The following NKAIN3 variants were observed in gnomAD, a reference collection of about 807,000 sequenced individuals.
NKAIN3 encodes the protein sodium/potassium-transporting ATPase subunit beta-1-interacting protein 3.
NKAIN3 carries 25 observed loss-of-function variants against 30.2 expected under a neutral mutation model. That is an observed-to-expected ratio of 0.83 (90% CI 0.60 to 1.16). The LOEUF (loss-of-function observed/expected upper bound fraction) is 1.16. Ranked by LOEUF, NKAIN3 falls within the 50% of genes most tolerant of loss-of-function variation. NKAIN3 has a pLI of 0.00. For synonymous variants in NKAIN3, 91 were observed against 89.6 expected, an observed-to-expected ratio of 1.02 and a Z score of -0.09; for missense variants, 225 against 254.1, an observed-to-expected ratio of 0.89 and a Z score of 0.78.
chr8:62,715,903 G>T (rs531157980), intron 3 of NKAIN3, among the ~76,000 whole-genome samples: 25 of 152,290 alleles, frequency 1.6e-4, no homozygotes, highest in Non-Finnish European at 2.9e-4. Flanking sequence ...AAAAGGAGCA[G>T]GGTGGCAACA....
At chr8:62,337,272 A>C (rs1302669925) in intron 1 of NKAIN3, among the ~76,000 whole-genome samples, 2 of 152,072 alleles carry the variant, frequency 1.3e-5, no homozygotes, top group Non-Finnish European at 2.9e-5. Context: ...GAAGAGAGAG[A>C]AATCCTTACT....
At chr8:62,636,401 A>G (rs1812129856) in intron 3 of NKAIN3, among the ~76,000 whole-genome samples, 1 of 152,186 alleles carries the variant, frequency 6.6e-6, no homozygotes, top group Non-Finnish European at 1.5e-5. Context: ...TTAAGCACAC[A>G]TGCTATCAAT....
rs549807686 is a variant in NKAIN3, at chr8:62,831,141, T to C, written c.471+84012T>C. ...CCCAATATAAGACCTGCTGACAGAA[T>C]TGCGTAGAAGAAAAGCCAAAGACCC... On this transcript the variant is annotated intron_variant, in intron 4 of 6. Transcript: ENST00000623646. Among the ~76,000 whole-genome samples the C allele has an allele frequency of 2.0e-5, 3 of 152,152 alleles. No individual in the cohort carries two copies. In the South Asian group the frequency reaches 6.2e-4, roughly 32 times the overall value.
intron 1 of NKAIN3, among the ~76,000 whole-genome samples, chr8:62,392,426 TTTA>T (rs2129594642): frequency 6.6e-6 from 1 of 152,162 alleles, no homozygotes; most frequent in South Asian, 2.1e-4. Context: ...TTAAATAAGT[TTTA>T]TTAGTAGTAG....
At position 62,966,365 on chromosome 8, in the gene NKAIN3, G is replaced by T; in HGVS notation, c.*958G>T. On this transcript the variant is annotated 3_prime_UTR_variant, in exon 7 of 7. Transcript: ENST00000623646. ...ACCCCTTCCCAATAACCAAGAAAAT[G>T]ATATGGGAAGCAATTATCTGTGGAA... The T allele has an allele frequency of 2.0e-6, 2 of 985,010 alleles. No individual in the cohort carries two copies. Among genetic ancestry groups the T allele is most frequent in the Non-Finnish European group, 2.4e-6 (2 of 829,588 alleles). The allele number at this position is 985,010 out of a possible 1,614,324, so 61.0% of individuals were successfully genotyped here.
chr8:62,728,396 C>T (rs1214225102), intron 3 of NKAIN3, among the ~76,000 whole-genome samples: 1 of 152,210 alleles, frequency 6.6e-6, no homozygotes, highest in Non-Finnish European at 1.5e-5. Flanking sequence ...GGTGCGGTGG[C>T]TCACACCTGT....
chr8:62,464,010 G>A (rs1027842020), intron 1 of NKAIN3, among the ~76,000 whole-genome samples: 8 of 152,098 alleles, frequency 5.3e-5, no homozygotes, highest in Non-Finnish European at 1.0e-4. Context: ...GATATTCCTA[G>A]GACATAAAGA....
rs146588553 is a variant in NKAIN3 at position 62,936,060 on chromosome 8, G to A, written c.532+17547G>A. On this transcript the variant is annotated intron_variant, in intron 5 of 6. Coordinates refer to ENST00000623646, the MANE Select transcript of NKAIN3 (RefSeq NM_001304533.3). The stretch of plus-strand genomic sequence containing the variant: ...GATACAATGTAAGAGAATATGACAT[G>A]ACAGATGTTGTGGGTATGATTTTAA... 1.9e-3 allele frequency among the ~76,000 whole-genome samples: 289 copies of A among 152,280 alleles called. 2 individuals carry two copies. Among genetic ancestry groups the A allele is most frequent in the Middle Eastern group, 6.8e-3 (2 of 294 alleles).
chr8:62,669,862 T>C (rs181974684), intron 3 of NKAIN3, among the ~76,000 whole-genome samples: 7 of 152,326 alleles, frequency 4.6e-5, no homozygotes, highest in Admixed American at 4.6e-4. Context: ...TATGTTCTTC[T>C]GCATGTTAAG....
intron 1 of NKAIN3, among the ~76,000 whole-genome samples, chr8:62,498,999 C>T (rs1807330740): frequency 6.6e-6 from 1 of 152,080 alleles, no homozygotes; most frequent in African/African-American, 2.4e-5. Context: ...AAGTTGATTC[C>T]AGCTATAATC....
At chr8:62,547,647 C>T (rs1809060764) in intron 1 of NKAIN3, among the ~76,000 whole-genome samples, 1 of 152,152 alleles carries the variant, frequency 6.6e-6, no homozygotes, top group Non-Finnish European at 1.5e-5. Flanking sequence ...GGCTTCTGCC[C>T]ACCAGCTCAG....
At chr8:62,900,178 T>C (rs1455582) in intron 4 of NKAIN3, among the ~76,000 whole-genome samples, 47,217 of 151,992 alleles carry the variant, frequency 0.31, 8,109 homozygotes, top group East Asian at 0.69. Context: ...GTCTAAGAAC[T>C]CTAGATTATT....
Position 62,249,008 on chromosome 8 carries a change from A to C in NKAIN3, c.-66A>C. The stretch of plus-strand genomic sequence containing the variant: ...GCCGGGCGGGGACTACTCCGGAGTC[A>C]GGAGGCAGCAGCGGCGGAGGACGAG... On this transcript the variant is annotated 5_prime_UTR_variant, in exon 1 of 7. Coordinates refer to ENST00000623646, the MANE Select transcript of NKAIN3 (RefSeq NM_001304533.3). 7.0e-7 allele frequency: 1 copy of C among 1,427,128 alleles called. No individual in the cohort carries two copies. The highest frequency in any genetic ancestry group is 2.0e-5 in the Admixed American group (1 of 49,656). The allele number at this position is 1,427,128 out of a possible 1,614,324, so 88.4% of individuals were successfully genotyped here.
intron 1 of NKAIN3, among the ~76,000 whole-genome samples, chr8:62,302,090 G>A (rs1814068322): frequency 6.6e-6 from 1 of 152,030 alleles, no homozygotes; most frequent in African/African-American, 2.4e-5. Flanking sequence ...ATAAAAACAT[G>A]TTCATCTAGA....
At chr8:62,574,444 A>G (rs1270210452) in intron 1 of NKAIN3, among the ~76,000 whole-genome samples, 1 of 152,110 alleles carries the variant, frequency 6.6e-6, no homozygotes, top group Non-Finnish European at 1.5e-5. Flanking sequence ...CTCTATTTTT[A>G]GTTTTTTGAA....
intron 4 of NKAIN3, among the ~76,000 whole-genome samples, chr8:62,852,935 T>C (rs1480336809): frequency 1.3e-5 from 2 of 152,146 alleles, no homozygotes; most frequent in Non-Finnish European, 2.9e-5. Context: ...ATTCTGTTGA[T>C]TTGAGGTGGA....
chr8:62,279,756 A>T (rs896824784), intron 1 of NKAIN3, among the ~76,000 whole-genome samples: 2 of 152,206 alleles, frequency 1.3e-5, no homozygotes, highest in Non-Finnish European at 2.9e-5. Flanking sequence ...TACCAGTACC[A>T]TGCTGTTTTG....
At chr8:62,404,534 A>G (rs1024381260) in intron 1 of NKAIN3, among the ~76,000 whole-genome samples, 2 of 152,164 alleles carry the variant, frequency 1.3e-5, no homozygotes, top group Non-Finnish European at 2.9e-5. Context: ...CAAGGGGCTT[A>G]TGCATTTGCT....
intron 1 of NKAIN3, among the ~76,000 whole-genome samples, chr8:62,561,860 T>C (rs1328216429): frequency 6.6e-6 from 1 of 152,168 alleles, no homozygotes; most frequent in East Asian, 1.9e-4. Flanking sequence ...GCATTGTAAA[T>C]ATGTGTTTTT....
Sources: allele counts gnomAD v4.1 joint callset (sites outside exome capture counted in the v4.1 genomes callset), GRCh38; gene constraint gnomAD v4.1.1; transcripts MANE v1.5; gene names NCBI Gene and HGNC (gene_info 2026-07-23, HGNC 2026-07-21).